DLC1: variants seen among roughly 807,000 people sequenced by gnomAD.
The protein encoded by DLC1 is rho GTPase-activating protein 7.
In DLC1, 54 loss-of-function variants were observed where a neutral mutation model predicts 140.3. The ratio of observed to expected loss-of-function variants is 0.38; its 90% CI spans 0.31 to 0.48. The LOEUF (loss-of-function observed/expected upper bound fraction) is 0.48, where lower values mean the gene tolerates loss of function less well. Among genes scored for constraint, DLC1 ranks in the 20% least tolerant of loss-of-function variants. The pLI is 0.96. For missense variants in DLC1, 2,536 were observed against 1,907.0 expected (o/e 1.33, Z -6.14); for synonymous variants, 986 against 728.1 (o/e 1.35, Z -5.70).
intron 2 of DLC1, among the ~76,000 whole-genome samples, chr8:13,437,395 G>C (rs1171263959): frequency 2.6e-5 from 4 of 152,156 alleles, no homozygotes; most frequent in Non-Finnish European, 5.9e-5. Context: ...AGTCAATTGA[G>C]CATCTTTCGA....
At chr8:13,475,470 G>A (rs1800394897) in intron 2 of DLC1, among the ~76,000 whole-genome samples, 1 of 152,152 alleles carries the variant, frequency 6.6e-6, no homozygotes, top group Admixed American at 6.5e-5. Context: ...GTTATTCTTA[G>A]CGTGTGCCCA....
At chr8:13,272,038 G>T (rs1251968314) in intron 5 of DLC1, among the ~76,000 whole-genome samples, 1 of 152,194 alleles carries the variant, frequency 6.6e-6, no homozygotes, top group Non-Finnish European at 1.5e-5. Flanking sequence ...GAGGCATTTA[G>T]ACTTTTTCCC....
chr8:13,454,467 A>T (rs928948295), intron 2 of DLC1, among the ~76,000 whole-genome samples: 8 of 152,354 alleles, frequency 5.3e-5, no homozygotes, highest in Middle Eastern at 3.4e-3. Context: ...TTAAATTTCA[A>T]CAATACTGCA....
At chr8:13,557,361 T>C (rs915695128) in intron 1 of DLC1, among the ~76,000 whole-genome samples, 1 of 152,100 alleles carries the variant, frequency 6.6e-6, no homozygotes, top group East Asian at 1.9e-4. Context: ...GTCTGGGTAA[T>C]TATTTGGAAA....
chr8:13,242,291 T>C (rs1394584829), intron 5 of DLC1, among the ~76,000 whole-genome samples: 1 of 152,186 alleles, frequency 6.6e-6, no homozygotes, highest in Non-Finnish European at 1.5e-5. Context: ...ATATTTATTG[T>C]CTGTTGGAAA....
At chr8:13,263,347 C>T (rs764756472) in intron 5 of DLC1, among the ~76,000 whole-genome samples, 3 of 152,042 alleles carry the variant, frequency 2.0e-5, no homozygotes, top group African/African-American at 7.2e-5. Flanking sequence ...ATCCTCAGCA[C>T]CTACCTCAGC....
intron 4 of DLC1, among the ~76,000 whole-genome samples, chr8:13,360,975 G>C (rs1007228719): frequency 6.6e-6 from 1 of 151,660 alleles, no homozygotes; most frequent in Non-Finnish European, 1.5e-5. Context: ...TCATGCCTGC[G>C]ATCTCAATAC....
chr8:13,555,990 C>T (rs190538277), intron 1 of DLC1, among the ~76,000 whole-genome samples: 60 of 152,118 alleles, frequency 3.9e-4, no homozygotes, highest in African/African-American at 1.1e-3. Context: ...AATTGGAGTT[C>T]TAGATGGCTG....
chr8:13,456,167 T>C (rs1317128662), intron 2 of DLC1, among the ~76,000 whole-genome samples: 1 of 152,192 alleles, frequency 6.6e-6, no homozygotes, highest in Non-Finnish European at 1.5e-5. Flanking sequence ...GGATCCCTAA[T>C]AACTTCAGTT....
At chr8:13,317,735 G>C (rs1017285389) in intron 4 of DLC1, among the ~76,000 whole-genome samples, 1 of 152,088 alleles carries the variant, frequency 6.6e-6, no homozygotes, top group African/African-American at 2.4e-5. Flanking sequence ...GTTCAAATTA[G>C]GACCCTTAAG....
intron 1 of DLC1, among the ~76,000 whole-genome samples, chr8:13,539,185 G>GTGTATGTATGTATGTA (rs375105687): frequency 1.3e-5 from 2 of 151,474 alleles, no homozygotes; most frequent in East Asian, 2.0e-4. Context: ...GTATGTATGT[G>GTGTATGTATGTATGTA]TGTATGTATG....
chr8:13,587,463 T>G (rs1805364002), intron 1 of DLC1, among the ~76,000 whole-genome samples: 1 of 151,542 alleles, frequency 6.6e-6, no homozygotes, highest in Non-Finnish European at 1.5e-5. Context: ...CTCTTTTTGT[T>G]TGAAGAGCTT....
chr8:13,432,660 T>C (rs1349666865), intron 2 of DLC1, among the ~76,000 whole-genome samples: 1 of 152,160 alleles, frequency 6.6e-6, no homozygotes, highest in Non-Finnish European at 1.5e-5. Flanking sequence ...GTAAAGTGCC[T>C]CAGTGAAAAA....
chr8:13,375,746 G>C (rs1171121394), intron 4 of DLC1, among the ~76,000 whole-genome samples: 1 of 148,252 alleles, frequency 6.7e-6, no homozygotes, highest in East Asian at 1.9e-4. Flanking sequence ...TTTTTTTGCT[G>C]TGAGATGAGA....
chr8:13,181,638 C>A (rs955687260), intron 5 of DLC1, among the ~76,000 whole-genome samples: 1 of 152,094 alleles, frequency 6.6e-6, no homozygotes, highest in Non-Finnish European at 1.5e-5. Context: ...TTTACAGCTT[C>A]ATCCATGTCC....
chr8:13,398,410 G>A (rs1472151858), intron 3 of DLC1, among the ~76,000 whole-genome samples: 1 of 152,064 alleles, frequency 6.6e-6, no homozygotes, highest in Non-Finnish European at 1.5e-5. Context: ...CACTGGCACT[G>A]CTGGATCTGT....
rs35785512 is a variant in DLC1, at chr8:13,098,034, G to GAAAAA, written c.3167+360_3167+364dup. Reference sequence around the variant, plus strand: ...CCCCATCTCTTCAAAAAGGAAAAAAGAAAAAAAAAAAAAAAAAAAAAAAAG... The same window carrying GAAAAA: ...CCCCATCTCTTCAAAAAGGAAAAAAGAAAAAAAAAAAAAAAAAAAAAAAAAAAAAG... On this transcript the variant is annotated intron_variant, in intron 10 of 17. Coordinates refer to ENST00000276297, the MANE Select transcript of DLC1 (RefSeq NM_182643.3). Among the ~76,000 whole-genome samples, 113 of 68,406 alleles carry GAAAAA rather than the reference G, an allele frequency of 1.7e-3. 1 individual carries two copies. Among genetic ancestry groups the GAAAAA allele is most frequent in the African/African-American group, 5.1e-3 (87 of 17,020 alleles). The allele number at this position is 68,406 out of a possible 152,430, so 44.9% of individuals were successfully genotyped here. A position where few individuals can be genotyped will look rare whatever the true frequency, so the allele number is the denominator to read the frequency against.
In DLC1 at chr8:13,085,567, T is replaced by A; in HGVS notation, c.*244A>T. On this transcript the variant is annotated 3_prime_UTR_variant, in exon 18 of 18. Transcript: ENST00000276297. ...TTCTCAGAAGCAATTTGAATAAGAA[T>A]ACACATAAATTTTTTTTTTTTTTTT... 2 of 359,192 alleles carry A rather than the reference T, an allele frequency of 5.6e-6. No individual in the cohort carries two copies. The highest frequency in any genetic ancestry group is 2.1e-5 in the African/African-American group (1 of 48,472). The allele number at this position is 359,192 out of a possible 1,614,324, so 22.3% of individuals were successfully genotyped here.
Position 13,499,094 on chromosome 8 carries a change from G to A in DLC1, c.978C>T (p.Ala326=), listed in dbSNP as rs1801647757. The change falls in exon 2 of 18, where the codon GCC becomes GCT. Residue 326 remains alanine, a synonymous_variant. Coordinates refer to ENST00000276297, the MANE Select transcript of DLC1 (RefSeq NM_182643.3). ...MQCLQLKETL[A]TQEPTDNQVR... ...CTTGGTTATCTGTGGGTTCCTGGGT[G>A]GCCAGGGTCTCCTTTAATTGTAAAC... 1 of 1,613,808 alleles carries A rather than the reference G, an allele frequency of 6.2e-7. No homozygotes were observed. The highest frequency in any genetic ancestry group is 8.5e-7 in the Non-Finnish European group (1 of 1,179,934).
Sources: allele counts gnomAD v4.1 joint callset (sites outside exome capture counted in the v4.1 genomes callset), GRCh38; gene constraint gnomAD v4.1.1; transcripts MANE v1.5; gene names NCBI Gene and HGNC (gene_info 2026-07-23, HGNC 2026-07-21).